Variants in DDX10 observed in about 807,000 individuals in gnomAD.
DDX10 encodes the protein probable ATP-dependent RNA helicase DDX10.
DDX10 carries 74 observed loss-of-function variants against 104.3 expected under a neutral mutation model. The observed-to-expected ratio is 0.71, with a 90% confidence interval of 0.59 to 0.86. The LOEUF (loss-of-function observed/expected upper bound fraction) is 0.86. Among genes scored for constraint, DDX10 ranks in the 40% least tolerant of loss-of-function variants. The pLI is 0.00. For missense variants in DDX10, 952 were observed against 1,040.0 expected, an observed-to-expected ratio of 0.92 and a Z score of 1.16; for synonymous variants, 351 against 353.4, an observed-to-expected ratio of 0.99 and a Z score of 0.08.
intron 17 of DDX10, among the ~76,000 whole-genome samples, chr11:108,928,460 T>TA (rs1197500283): frequency 1.5e-4 from 23 of 151,278 alleles, no homozygotes; most frequent in Admixed American, 2.0e-4. Flanking sequence ...CCACTGCTTG[T>TA]AGTTTTGGAA....
At chr11:108,685,928 G>A (rs569126110) in intron 6 of DDX10, among the ~76,000 whole-genome samples, 1 of 152,216 alleles carries the variant, frequency 6.6e-6, no homozygotes, top group South Asian at 2.1e-4. Flanking sequence ...AAAGATGTAG[G>A]AATCAAATTC....
intron 13 of DDX10, among the ~76,000 whole-genome samples, chr11:108,811,892 TG>T (rs34144850): frequency 3.7e-4 from 52 of 140,896 alleles, no homozygotes; most frequent in African/African-American, 1.1e-3. Flanking sequence ...ATTATAAATA[TG>T]GGGGGGGGAA....
chr11:108,765,643 T>G lies in DDX10; in HGVS notation c.1965+42181T>G, dbSNP rs1313554813. On this transcript the variant is annotated intron_variant, in intron 13 of 17. Transcript: ENST00000322536. ...AATATGTGTCAGTTTACTTCTGCAT[T>G]GCAAAATACATGGCTAACCATGGTG... is the stretch of plus-strand genomic sequence containing the variant. 2.6e-5 allele frequency among the ~76,000 whole-genome samples: 4 copies of G among 152,250 alleles called. No homozygotes were observed. The East Asian group carries it at 7.7e-4, about 29-fold the overall frequency.
chr11:108,885,731 C>A (rs910213576), intron 16 of DDX10, among the ~76,000 whole-genome samples: 1 of 152,116 alleles, frequency 6.6e-6, no homozygotes, highest in Non-Finnish European at 1.5e-5. Flanking sequence ...CCCATTTTCC[C>A]ATACTCTGCT....
chr11:108,895,604 G>A (rs774914206), intron 16 of DDX10, among the ~76,000 whole-genome samples: 1 of 151,964 alleles, frequency 6.6e-6, no homozygotes, highest in African/African-American at 2.4e-5. Context: ...TTTGAAAGAT[G>A]TAACTAATAA....
At chr11:108,917,076 G>A (rs1374202049) in intron 16 of DDX10, among the ~76,000 whole-genome samples, 2 of 151,118 alleles carry the variant, frequency 1.3e-5, no homozygotes, top group Non-Finnish European at 2.9e-5. Context: ...TTGTTGTTTC[G>A]TTTTTAAGAG....
chr11:108,669,447 G>A (rs2094214217), intron 1 of DDX10, among the ~76,000 whole-genome samples: 1 of 152,180 alleles, frequency 6.6e-6, no homozygotes, highest in African/African-American at 2.4e-5. Flanking sequence ...TGGCAAGGAT[G>A]TTCTAGGTGG....
chr11:108,837,669 C>T (rs1331452042), intron 13 of DDX10, among the ~76,000 whole-genome samples: 2 of 111,292 alleles, frequency 1.8e-5, no homozygotes, highest in African/African-American at 6.9e-5. Context: ...TGTCCTCAGG[C>T]TGAGGTGGAA....
chr11:108,890,695 CTTGT>C (rs947747068), intron 16 of DDX10, among the ~76,000 whole-genome samples: 10 of 151,982 alleles, frequency 6.6e-5, no homozygotes, highest in African/African-American at 2.4e-4. Flanking sequence ...CAGAAATTTA[CTTGT>C]TTATTACACT....
rs576798038 is a variant in DDX10 at position 108,683,025 on chromosome 11, C to T, written c.848+3465C>T. 3.3e-5 allele frequency among the ~76,000 whole-genome samples: 5 copies of T among 152,246 alleles called. No individual in the cohort carries two copies. In the East Asian group the frequency reaches 5.8e-4, roughly 18 times the overall value. On this transcript the variant is annotated intron_variant, in intron 6 of 17. Coordinates refer to ENST00000322536, the MANE Select transcript of DDX10 (RefSeq NM_004398.4). ...TGCCTTAAGGTCAGGTTGTCTTGAT[C>T]TGGTCTAGCCTGGCAATTAGACTCT...
intron 15 of DDX10, among the ~76,000 whole-genome samples, chr11:108,843,857 A>G (rs1010032288): frequency 1.3e-5 from 2 of 152,194 alleles, no homozygotes; most frequent in Non-Finnish European, 2.9e-5. Flanking sequence ...AATTTTAAAC[A>G]TGTCCTTTCA....
At chr11:108,862,102 T>C (rs1044777088) in intron 16 of DDX10, among the ~76,000 whole-genome samples, 1 of 152,200 alleles carries the variant, frequency 6.6e-6, no homozygotes, top group Non-Finnish European at 1.5e-5. Context: ...CACTGTAACC[T>C]TGACCGCCTG....
At chr11:108,721,860 G>A (rs2094298779) in intron 12 of DDX10, among the ~76,000 whole-genome samples, 1 of 152,078 alleles carries the variant, frequency 6.6e-6, no homozygotes, top group South Asian at 2.1e-4. Context: ...ACTCAGTTTT[G>A]GTAGCTGAGA....
chr11:108,878,175 T>C (rs1290615850), intron 16 of DDX10, among the ~76,000 whole-genome samples: 1 of 152,188 alleles, frequency 6.6e-6, no homozygotes, highest in Non-Finnish European at 1.5e-5. Flanking sequence ...TTCAGTGTAA[T>C]GACTTTCCAT....
At chr11:108,806,025 G>T (rs965857912) in intron 13 of DDX10, among the ~76,000 whole-genome samples, 1 of 152,034 alleles carries the variant, frequency 6.6e-6, no homozygotes, top group Non-Finnish European at 1.5e-5. Flanking sequence ...GCAATGGCAT[G>T]ATCTCGGCTC....
intron 16 of DDX10, chr11:108,860,803 A>T (rs1862931212): frequency 6.6e-6 from 1 of 152,086 alleles, no homozygotes. Flanking sequence ...ACCTTGGCCT[A>T]TCAAAGTACT....
chr11:108,871,047 G>T (rs959796629), intron 16 of DDX10, among the ~76,000 whole-genome samples: 1 of 152,208 alleles, frequency 6.6e-6, no homozygotes, highest in African/African-American at 2.4e-5. Context: ...ATAAAGAGGG[G>T]GAGGGCTAGA....
chr11:108,767,947 G>A (rs1384256914), intron 13 of DDX10: 1 of 152,262 alleles, frequency 6.6e-6, no homozygotes, highest in African/African-American at 2.4e-5. Flanking sequence ...CCTACTCAGT[G>A]TGAAGACAAC....
intron 12 of DDX10, among the ~76,000 whole-genome samples, chr11:108,721,289 A>G (rs1272544935): frequency 6.6e-6 from 1 of 152,178 alleles, no homozygotes; most frequent in Non-Finnish European, 1.5e-5. Flanking sequence ...TTTAAGTGAC[A>G]GATGGAAAGC....
Sources: gnomAD v4.1 joint callset for allele counts (sites outside exome capture counted in the v4.1 genomes callset) on GRCh38, gnomAD v4.1.1 for gene constraint, MANE v1.5 for transcripts, NCBI Gene and HGNC (gene_info 2026-07-23, HGNC 2026-07-21) for gene names.